UBE2W: variants seen among roughly 807,000 people sequenced by gnomAD.
UBE2W encodes ubiquitin-conjugating enzyme E2 W.
In UBE2W, 18 loss-of-function variants were observed where a neutral mutation model predicts 27.2. The ratio of observed to expected loss-of-function variants is 0.66; its 90% CI spans 0.46 to 0.98. The LOEUF (loss-of-function observed/expected upper bound fraction) is 0.98, where lower values mean the gene tolerates loss of function less well. UBE2W is among the 50% of genes least tolerant of loss of function. UBE2W has a pLI of 0.00. For missense variants in UBE2W, 90 were observed against 180.2 expected, an observed-to-expected ratio of 0.50 and a Z score of 2.87; for synonymous variants, 53 against 57.2, an observed-to-expected ratio of 0.93 and a Z score of 0.33.
chr8:73,878,586 G>A (rs577323331), intron 1 of UBE2W, among the ~76,000 whole-genome samples: 2 of 152,282 alleles, frequency 1.3e-5, no homozygotes, highest in South Asian at 4.1e-4. Context: ...CAACTTCCCG[G>A]CCGGCTGGTG....
intron 1 of UBE2W, among the ~76,000 whole-genome samples, chr8:73,847,244 T>G (rs529490034): frequency 6.6e-6 from 1 of 152,018 alleles, no homozygotes; most frequent in South Asian, 2.1e-4. Flanking sequence ...TAATGGCTAA[T>G]AAAAACAGGA....
chr8:73,789,198 T>C lies in UBE2W; in HGVS notation c.*4904A>G, dbSNP rs1238398686. ...CTTAAATCGGCAAACAGACGAGGCATGGTGGCTTGCACCTGTAATCCCAGC... is the reference window on the plus strand; with the variant it reads ...CTTAAATCGGCAAACAGACGAGGCACGGTGGCTTGCACCTGTAATCCCAGC... On this transcript the variant is annotated 3_prime_UTR_variant, in exon 6 of 6. Coordinates refer to ENST00000602593, the MANE Select transcript of UBE2W (RefSeq NM_018299.6). The C allele has an allele frequency of 1.0e-6, 1 of 982,750 alleles. No individual in the cohort carries two copies. Among genetic ancestry groups the C allele is most frequent in the Non-Finnish European group, 1.2e-6 (1 of 829,698 alleles). The allele number at this position is 982,750 out of a possible 1,614,324, so 60.9% of individuals were successfully genotyped here.
At chr8:73,825,841 A>G (rs935349147) in intron 2 of UBE2W, among the ~76,000 whole-genome samples, 1 of 152,206 alleles carries the variant, frequency 6.6e-6, no homozygotes, top group Admixed American at 6.5e-5. Context: ...GTGCACTGAC[A>G]CCAAAGCCTG....
chr8:73,857,648 G>A (rs145991631), intron 1 of UBE2W, among the ~76,000 whole-genome samples: 8 of 151,410 alleles, frequency 5.3e-5, no homozygotes, highest in East Asian at 3.9e-4. Flanking sequence ...AAATCCTGTC[G>A]CTACTAAAAA....
rs2623810 is a variant in UBE2W, at chr8:73,849,466, C to T, written c.16-18994G>A. On this transcript the variant is annotated intron_variant, in intron 1 of 5. Transcript: ENST00000602593. ...GGTGGAGATTGTAGTGAGCCAAGAT[C>T]GCGCCACTGCACTCCAGCCTGGGCA... 3.6e-4 allele frequency among the ~76,000 whole-genome samples: 48 copies of T among 132,274 alleles called. 1 individual carries two copies. Among genetic ancestry groups the T allele is most frequent in the Admixed American group, 1.3e-3 (15 of 11,864 alleles). 86.8% of individuals were successfully genotyped at this position (132,274 alleles called of 152,430 possible).
At chr8:73,820,948 G>A (rs1014573569) in intron 3 of UBE2W, among the ~76,000 whole-genome samples, 5 of 151,956 alleles carry the variant, frequency 3.3e-5, no homozygotes, top group Non-Finnish European at 5.9e-5. Context: ...CTCTGTCTCC[G>A]CACCCCCACC....
intron 1 of UBE2W, among the ~76,000 whole-genome samples, chr8:73,869,605 T>G (rs113128866): frequency 7.2e-5 from 11 of 151,912 alleles, no homozygotes; most frequent in African/African-American, 2.4e-4. Flanking sequence ...GCAGAAGAAT[T>G]GCTTGAACCT....
downstream of UBE2W, among the ~76,000 whole-genome samples, chr8:73,781,708 T>C (rs1162997023): frequency 6.6e-6 from 1 of 151,192 alleles, no homozygotes; most frequent in Admixed American, 6.7e-5. Flanking sequence ...GCCTCCCAAG[T>C]AGTTGGGACC....
chr8:73,810,375 T>C, intron 4 of UBE2W, 99 bp downstream of exon 4: 1 of 1,219,452 alleles, frequency 8.2e-7, no homozygotes, highest in East Asian at 2.8e-5. Context: ...ATAAAAAGCA[T>C]AAATCCTTCC....
intron 1 of UBE2W, among the ~76,000 whole-genome samples, chr8:73,876,805 C>T (rs2131004818): frequency 6.6e-6 from 1 of 152,208 alleles, no homozygotes; most frequent in Middle Eastern, 3.4e-3. Flanking sequence ...CCCGTCTCTA[C>T]TGAAATACAA....
chr8:73,818,103 T>C (rs1042483699), intron 3 of UBE2W, among the ~76,000 whole-genome samples: 3 of 152,208 alleles, frequency 2.0e-5, no homozygotes, highest in African/African-American at 7.2e-5. Flanking sequence ...TTTGCCCCCT[T>C]AGAATATTCT....
intron 1 of UBE2W, among the ~76,000 whole-genome samples, chr8:73,851,949 C>CTCT (rs1279600456): frequency 0.031 from 3,602 of 114,408 alleles, 229 homozygotes; most frequent in African/African-American, 0.11. Context: ...CCCAGTCTCT[C>CTCT]TTTTTTTTTT....
chr8:73,864,824 C>T (rs1811682268), intron 1 of UBE2W, among the ~76,000 whole-genome samples: 1 of 149,992 alleles, frequency 6.7e-6, no homozygotes, highest in Non-Finnish European at 1.5e-5. Flanking sequence ...AAGCTGGTCT[C>T]AAACTCCTGA....
At chr8:73,808,194 G>GT (rs1400178742) in intron 4 of UBE2W, among the ~76,000 whole-genome samples, 3 of 152,204 alleles carry the variant, frequency 2.0e-5, no homozygotes, top group Non-Finnish European at 2.9e-5. Flanking sequence ...AAATTTACCC[G>GT]TTTTAATAAT....
intron 5 of UBE2W, among the ~76,000 whole-genome samples, chr8:73,798,889 G>A (rs1808526461): frequency 6.6e-6 from 1 of 151,854 alleles, no homozygotes; most frequent in South Asian, 2.1e-4. Flanking sequence ...TATATGCTGA[G>A]GTGAGTTGTC....
At chr8:73,826,573 TAC>T (rs1302524184) in intron 2 of UBE2W, among the ~76,000 whole-genome samples, 2 of 152,196 alleles carry the variant, frequency 1.3e-5, no homozygotes, top group Non-Finnish European at 2.9e-5. Context: ...AGCTACAGTA[TAC>T]AGACTCTTAA....
intron 1 of UBE2W, among the ~76,000 whole-genome samples, chr8:73,871,710 G>T (rs983332944): frequency 6.6e-6 from 1 of 152,100 alleles, no homozygotes; most frequent in African/African-American, 2.4e-5. Flanking sequence ...GAAGCAGACA[G>T]CAATAATATA....
intron 1 of UBE2W, among the ~76,000 whole-genome samples, chr8:73,873,215 T>C (rs1563640564): frequency 1.3e-5 from 2 of 152,230 alleles, no homozygotes; most frequent in African/African-American, 2.4e-5. Flanking sequence ...GCCTATTTTC[T>C]AACTTTTAAT....
intron 2 of UBE2W, among the ~76,000 whole-genome samples, chr8:73,829,735 C>T (rs1809995840): frequency 6.6e-6 from 1 of 152,112 alleles, no homozygotes; most frequent in Non-Finnish European, 1.5e-5. Flanking sequence ...GTCACTTTCA[C>T]TCCCTGGACC....
Sources: allele counts gnomAD v4.1 joint callset (sites outside exome capture counted in the v4.1 genomes callset), GRCh38; gene constraint gnomAD v4.1.1; transcripts MANE v1.5; gene names NCBI Gene and HGNC (gene_info 2026-07-23, HGNC 2026-07-21).